The following THRAP3 variants were observed in gnomAD, a reference collection of about 807,000 sequenced individuals.
THRAP3 encodes the protein thyroid hormone receptor-associated protein 3.
In THRAP3, 16 loss-of-function variants were observed where a neutral mutation model predicts 101.0. The observed-to-expected ratio is 0.16, with a 90% CI of 0.11 to 0.24. THRAP3 has a LOEUF of 0.24. Ranked by LOEUF, THRAP3 falls within the 10% of genes least tolerant of loss-of-function variation. The pLI, the probability that THRAP3 is intolerant of heterozygous loss-of-function variation, is 1.00. For synonymous variants in THRAP3, 407 were observed against 422.6 expected (o/e 0.96, Z 0.45); for missense variants, 989 against 1,202.7 (o/e 0.82, Z 2.63).
At chr1:36,230,696 T>C (rs1261128950) in intron 1 of THRAP3, among the ~76,000 whole-genome samples, 2 of 152,192 alleles carry the variant, frequency 1.3e-5, no homozygotes, top group Non-Finnish European at 2.9e-5. Context: ...TGCCACAGAG[T>C]TGAGTTATAC....
At chr1:36,243,154 T>TC (rs1217161654) in intron 1 of THRAP3, among the ~76,000 whole-genome samples, 9 of 142,968 alleles carry the variant, frequency 6.3e-5, no homozygotes, top group African/African-American at 2.3e-4. Context: ...GAACTTTCTT[T>TC]TTTTTTTTTT....
At chr1:36,268,525 C>T (rs1367291963) in intron 2 of THRAP3, among the ~76,000 whole-genome samples, 1 of 152,076 alleles carries the variant, frequency 6.6e-6, no homozygotes, top group Non-Finnish European at 1.5e-5. Context: ...TAAGGATAGA[C>T]CCACCTTGCT....
chr1:36,297,206 C>CTT (rs1003198195), intron 9 of THRAP3, among the ~76,000 whole-genome samples: 2 of 152,110 alleles, frequency 1.3e-5, no homozygotes, highest in African/African-American at 4.8e-5. Context: ...TCTTAAGTGC[C>CTT]TTTTAAACTA....
At chr1:36,221,741 G>A (rs1372236329), upstream of THRAP3, among the ~76,000 whole-genome samples, 3 of 151,838 alleles carry the variant, frequency 2.0e-5, no homozygotes, top group Admixed American at 6.6e-5. Context: ...GTGCCACCAC[G>A]CCCAGCTAAT....
At chr1:36,256,505 A>G (rs1215496137) in intron 1 of THRAP3, among the ~76,000 whole-genome samples, 3 of 151,886 alleles carry the variant, frequency 2.0e-5, no homozygotes, top group Non-Finnish European at 4.4e-5. Context: ...GATTACAGGC[A>G]TGAGCCACTG....
intron 2 of THRAP3, among the ~76,000 whole-genome samples, chr1:36,280,434 A>G (rs1645716032): frequency 6.6e-6 from 1 of 152,220 alleles, no homozygotes; most frequent in South Asian, 2.1e-4. Flanking sequence ...AATAAGATAC[A>G]TACTGGACCT....
chr1:36,286,631 C>T lies in THRAP3; in HGVS notation c.401C>T (p.Ser134Phe). 2 of 1,614,176 alleles carry T rather than the reference C, an allele frequency of 1.2e-6. No homozygotes were observed. The highest frequency in any genetic ancestry group is 1.7e-6 in the Non-Finnish European group (2 of 1,180,022). The change falls in exon 4 of 12, where the codon TCC becomes TTC. Residue 134 changes from serine (S) to phenylalanine (F), a missense_variant. Ser to Phe is a radical substitution (Grantham distance 155). Coordinates refer to ENST00000354618, the MANE Select transcript of THRAP3 (RefSeq NM_005119.4). This position sits in a 1 kb window ranked among gnomAD's most constrained non-coding sequence, Gnocchi z 5.5. ...AGATCCCGGTCCCCAAAGAGAAGGT[C>T]CCCTTCACCAAGGTCCAGGAGCCAT... is the stretch of plus-strand genomic sequence containing the variant. ...RSRSRSPKRR[S>F]PSPRSRSHSR...
intron 7 of THRAP3, among the ~76,000 whole-genome samples, chr1:36,293,255 T>C (rs2358725): frequency 0.95 from 143,806 of 152,060 alleles, 68,539 homozygotes; most frequent in Middle Eastern, 1. Flanking sequence ...TCTTGAACTC[T>C]CAACCTCAGG....
At chr1:36,300,210 C>G (rs914299616) in intron 9 of THRAP3, among the ~76,000 whole-genome samples, 12 of 152,154 alleles carry the variant, frequency 7.9e-5, no homozygotes, top group African/African-American at 1.7e-4. Context: ...GGGAGAGTTG[C>G]GCCAGATCCT....
the THRAP3 span, among the ~76,000 whole-genome samples, chr1:36,213,952 AAAGAAAG>A: frequency 3.2e-5 from 4 of 126,176 alleles, no homozygotes; most frequent in African/African-American, 1.4e-4. Flanking sequence ...AGAAAGAAAG[AAAGAAAG>A]AAGGAAAGAG....
chr1:36,243,990 T>C, intron 1 of THRAP3, among the ~76,000 whole-genome samples: 1 of 133,436 alleles, frequency 7.5e-6, no homozygotes, highest in African/African-American at 2.9e-5. Context: ...CCCACCTCCC[T>C]CCCGGACGGG....
intron 1 of THRAP3, among the ~76,000 whole-genome samples, chr1:36,256,426 C>T (rs1645376360): frequency 6.6e-6 from 1 of 151,740 alleles, no homozygotes. Flanking sequence ...GGGGTTTCAC[C>T]ATGTTAGCCA....
the THRAP3 span, among the ~76,000 whole-genome samples, chr1:36,215,210 C>T: frequency 6.6e-6 from 1 of 151,594 alleles, no homozygotes; most frequent in Non-Finnish European, 1.5e-5. Context: ...GGCGACAGAG[C>T]GAGACTCAAA....
At chr1:36,246,936 T>A (rs1364217227) in intron 1 of THRAP3, among the ~76,000 whole-genome samples, 1 of 152,140 alleles carries the variant, frequency 6.6e-6, no homozygotes, top group Non-Finnish European at 1.5e-5. Context: ...TCTGAAAAAA[T>A]TGATAATATA....
intron 1 of THRAP3, among the ~76,000 whole-genome samples, chr1:36,242,843 C>T (rs1185881330): frequency 6.6e-6 from 1 of 152,144 alleles, no homozygotes; most frequent in Admixed American, 6.6e-5. Context: ...TCCTTCCTCA[C>T]CCTGAATTCA....
At chr1:36,293,640 CTGTGTGTGTGTGTGTGTGTG>C (rs577292328) in intron 7 of THRAP3, among the ~76,000 whole-genome samples, 191 bp from the exon 8 acceptor site, 6 of 133,418 alleles carry the variant, frequency 4.5e-5, no homozygotes, top group Non-Finnish European at 7.9e-5. Flanking sequence ...GAACCTGGGA[CTGTGTGTGTGTGTGTGTGTG>C]TGTGTGTGTG....
chr1:36,256,571 G>T (rs566478197), intron 1 of THRAP3, among the ~76,000 whole-genome samples: 2 of 152,158 alleles, frequency 1.3e-5, no homozygotes, highest in African/African-American at 4.8e-5. Context: ...TTCTATTTGT[G>T]ACCCATTAAA....
chr1:36,237,177 C>A (rs1645100240), intron 1 of THRAP3, among the ~76,000 whole-genome samples: 1 of 151,784 alleles, frequency 6.6e-6, no homozygotes, highest in Non-Finnish European at 1.5e-5. Flanking sequence ...CAAAAAGCAG[C>A]TAGGTAGGGG....
rs780583527 is a variant in THRAP3, at chr1:36,289,376, A to G, written c.1357A>G (p.Met453Val). The change falls in exon 5 of 12, where the codon ATG becomes GTG. Residue 453 changes from methionine (M) to valine (V), a missense_variant. By Grantham distance (21) the Met-to-Val change is conservative. Coordinates refer to ENST00000354618, the MANE Select transcript of THRAP3 (RefSeq NM_005119.4). ...ESEFDDEPKF[M>V]SKVIGANKNQ... ...TGAGTTTGATGATGAACCCAAATTT[A>G]TGTCTAAAGTCATAGGTGCAAACAA... 5.0e-6 allele frequency: 8 copies of G among 1,614,180 alleles called. No homozygotes were observed. The highest frequency in any genetic ancestry group is 6.8e-6 in the Non-Finnish European group (8 of 1,180,020).
Sources: allele counts gnomAD v4.1 joint callset (sites outside exome capture counted in the v4.1 genomes callset), GRCh38; gene constraint gnomAD v4.1.1; non-coding constraint Gnocchi (gnomAD v3.1); transcripts MANE v1.5; gene names NCBI Gene and HGNC (gene_info 2026-07-23, HGNC 2026-07-21).